Variants in MED17 observed in about 807,000 individuals in gnomAD.
The protein encoded by MED17 is mediator of RNA polymerase II transcription subunit 17.
Under a neutral mutation model 80.8 loss-of-function variants are expected in MED17, and 49 were observed. That is an observed-to-expected ratio of 0.61 (90% confidence interval 0.48 to 0.77). The LOEUF (loss-of-function observed/expected upper bound fraction) is 0.77. Among genes scored for constraint, MED17 ranks in the 30% least tolerant of loss-of-function variants. The pLI, the probability that MED17 is intolerant of heterozygous loss-of-function variation, is 0.00. For missense variants in MED17, 718 were observed against 787.0 expected, an observed-to-expected ratio of 0.91 and a Z score of 1.05; for synonymous variants, 281 against 280.4, an observed-to-expected ratio of 1.00 and a Z score of -0.02.
At chr11:93,809,978 A>C in intron 11 of MED17, 102 bp downstream of exon 11, 1 of 1,179,596 alleles carries the variant, frequency 8.5e-7, no homozygotes, top group African/African-American at 1.5e-5. Flanking sequence ...TCTCTGCAAT[A>C]AATTAGTTAA....
At chr11:93,797,464 C>T in intron 7 of MED17, 71 bp from the exon 8 acceptor site, 1 of 1,401,354 alleles carries the variant, frequency 7.1e-7, no homozygotes, top group South Asian at 1.2e-5. Context: ...TTCTGTCAAC[C>T]ATGTTTTGAC....
In MED17 at chr11:93,797,567, G is replaced by A. The variant is rs1442242787; in HGVS notation, c.1176G>A (p.Met392Ile). 4 of 1,614,118 alleles carry A rather than the reference G, an allele frequency of 2.5e-6. No homozygotes were observed. Among genetic ancestry groups the A allele is most frequent in the Non-Finnish European group, 3.4e-6 (4 of 1,179,992 alleles). ...AACAGACCTTGAGTTCCATCATGAT[G>A]CCTCATCCAGCAAGTGCACCTTTTG... The part of the protein sequence containing the change: ...FHKQTLSSIM[M>I]PHPASAPFGH... The change falls in exon 8 of 12, where the codon ATG becomes ATA. Residue 392 changes from methionine to isoleucine, a missense_variant. Physicochemically the swap from Met to Ile is conservative, Grantham distance 10. Transcript: ENST00000251871.
chr11:93,797,737 T>A lies in MED17; in HGVS notation c.1328+18T>A, dbSNP rs1943919842. 1 of 1,598,702 alleles carries A rather than the reference T, an allele frequency of 6.3e-7. No individual in the cohort carries two copies. Among genetic ancestry groups the A allele is most frequent in the Non-Finnish European group, 8.6e-7 (1 of 1,166,978 alleles). On this transcript the variant is annotated intron_variant, in intron 8 of 11. Transcript: ENST00000251871. ...AGGAGTAGGTAAGGTTGAAGAAAGT[T>A]ACTGTTTTCTGTTTTTTCTTTGAAA...
chr11:93,812,016 T>C lies in MED17; in HGVS notation c.1908T>C (p.Val636=). ...ATAAAATGGAAGGTCGAAATTTTGT[T>C]TATAAAATGGAGCTGCTTATGTCTG... The part of the protein sequence containing the change: ...QWNKMEGRNF[V]YKMELLMSAL... The change falls in exon 12 of 12, where the codon GTT becomes GTC. Residue 636 remains valine (V), a synonymous_variant. Coordinates refer to ENST00000251871, the MANE Select transcript of MED17 (RefSeq NM_004268.5). 6.2e-7 allele frequency: 1 copy of C among 1,614,094 alleles called. No individual in the cohort carries two copies. Among genetic ancestry groups the C allele is most frequent in the Non-Finnish European group, 8.5e-7 (1 of 1,179,996 alleles).
At chr11:93,789,008 T>G (rs1436053831) in intron 2 of MED17, 1 of 152,178 alleles carries the variant, frequency 6.6e-6, no homozygotes, top group Non-Finnish European at 1.5e-5. Context: ...AACAGTGTAT[T>G]CAATTTTTGA....
At chr11:93,794,199 ATT>A (rs35300764) in intron 5 of MED17, 164 bp downstream of exon 5, 10,136 of 315,568 alleles carry the variant, frequency 0.032, no homozygotes, top group South Asian at 0.046. Flanking sequence ...TAGCTGTGCA[ATT>A]TTTTTTTTTT....
chr11:93,814,105 G>C lies in MED17; in HGVS notation c.*2041G>C, dbSNP rs1000352588. 7 of 152,172 alleles carry C rather than the reference G, an allele frequency of 4.6e-5. No individual in the cohort carries two copies. The highest frequency in any genetic ancestry group is 8.8e-5 in the Non-Finnish European group (6 of 68,032). 9.4% of individuals were successfully genotyped at this position (152,172 alleles called of 1,614,324 possible). The stretch of plus-strand genomic sequence containing the variant: ...AAATCATGGACCAGGACCACACCTT[G>C]AGTAGAATGGCTGAGAATACATGTG... On this transcript the variant is annotated 3_prime_UTR_variant, in exon 12 of 12. Transcript: ENST00000251871.
intron 7 of MED17, chr11:93,797,017 C>G (rs1283285373): frequency 1.9e-5 from 4 of 208,578 alleles, no homozygotes; most frequent in African/African-American, 7.0e-5. Context: ...AAACCTGGTT[C>G]AGTTGATTGT....
chr11:93,788,142 C>G lies in MED17; in HGVS notation c.392C>G (p.Ser131Cys). The change falls in exon 2 of 12, where the codon TCT (serine) becomes TGT (cysteine). Residue 131 changes from serine to cysteine, a missense_variant. Transcript: ENST00000251871. ...AAATTTATGACTCTTGATCCTGTCT[C>G]TCAGGATGCACTTCCTCCAAAACAG... ...DKKFMTLDPV[S>C]QDALPPKQNP... The G allele has an allele frequency of 6.2e-7, 1 of 1,612,858 alleles. No homozygotes were observed. Among genetic ancestry groups the G allele is most frequent in the Non-Finnish European group, 8.5e-7 (1 of 1,179,046 alleles).
intron 3 of MED17, chr11:93,793,386 G>A: frequency 1.6e-5 from 4 of 250,582 alleles, no homozygotes; most frequent in Non-Finnish European, 3.1e-5. Flanking sequence ...CAAAGTGCTG[G>A]GATTACAGGC....
At chr11:93,785,902 G>A (rs1943764676) in intron 1 of MED17, among the ~76,000 whole-genome samples, 2 of 152,176 alleles carry the variant, frequency 1.3e-5, no homozygotes, top group Non-Finnish European at 1.5e-5. Context: ...TACTGGGGAG[G>A]CTGAGGGAGG....
Position 93,797,773 on chromosome 11 carries a change from T to C in MED17, c.1328+54T>C, listed in dbSNP as rs191319442. 4.3e-3 allele frequency: 6,408 copies of C among 1,492,876 alleles called. 20 individuals carry two copies. Among genetic ancestry groups the C allele is most frequent in the Non-Finnish European group, 5.2e-3 (5,615 of 1,075,432 alleles). The allele number at this position is 1,492,876 out of a possible 1,614,324, so 92.5% of individuals were successfully genotyped here. A position where few individuals can be genotyped will look rare whatever the true frequency, so the allele number is the denominator to read the frequency against. The stretch of plus-strand genomic sequence containing the variant: ...GTTTTTTCTTTGAAATTGCAGTGTT[T>C]TCTTCTGTTATTTCATAACACTTTT... On this transcript the variant is annotated intron_variant, in intron 8 of 11. Coordinates refer to ENST00000251871, the MANE Select transcript of MED17 (RefSeq NM_004268.5).
In MED17 at chr11:93,811,896, T is replaced by G. The variant is rs777330452; in HGVS notation, c.1788T>G (p.Phe596Leu). Residue 596 changes from phenylalanine to leucine, a missense_variant, in exon 12 of 12, where the codon TTT (phenylalanine) becomes TTG (leucine). Transcript: ENST00000251871. ...GTGGCAGCAAGATTATGGTTCAGTTTCCTCGTAACCAATGTAAAGACCTTC... is the reference window on the plus strand; with the variant it reads ...GTGGCAGCAAGATTATGGTTCAGTTGCCTCGTAACCAATGTAAAGACCTTC... The part of the protein sequence containing the change: ...PESGSKIMVQ[F>L]PRNQCKDLPK... 1 of 1,614,014 alleles carries G rather than the reference T, an allele frequency of 6.2e-7. No homozygotes were observed. Among genetic ancestry groups the G allele is most frequent in the Non-Finnish European group, 8.5e-7 (1 of 1,180,022 alleles).
At position 93,788,178 on chromosome 11, in the gene MED17, A is replaced by G; in HGVS notation, c.417+11A>G. 6.2e-7 allele frequency: 1 copy of G among 1,605,786 alleles called. No homozygotes were observed. The highest frequency in any genetic ancestry group is 1.1e-5 in the South Asian group (1 of 90,446). On this transcript the variant is annotated intron_variant, in intron 2 of 11. Coordinates refer to ENST00000251871, the MANE Select transcript of MED17 (RefSeq NM_004268.5). Reference sequence around the variant, plus strand: ...CTTCCTCCAAAACAGGTATTTGTGGACTTTAATTGAATAATAAAATTTTAT... The same window carrying G: ...CTTCCTCCAAAACAGGTATTTGTGGGCTTTAATTGAATAATAAAATTTTAT...
chr11:93,807,469 A>G (rs764239836), intron 9 of MED17, 49 bp from the exon 10 acceptor site: 1 of 960,074 alleles, frequency 1.0e-6, no homozygotes, highest in Non-Finnish European at 1.7e-6. Context: ...ATGAAATTGT[A>G]TAAGATAATT....
chr11:93,790,189 A>G (rs1943818580), intron 2 of MED17: 2 of 311,398 alleles, frequency 6.4e-6, no homozygotes, highest in Non-Finnish European at 1.3e-5. Flanking sequence ...TGAAGCAGAG[A>G]TTATAGATGT....
rs775851663 is a variant in MED17 at position 93,784,600 on chromosome 11, G to C, written c.87G>C (p.Thr29=). Residue 29 remains threonine (T), a synonymous_variant, in exon 1 of 12, where the codon ACG becomes ACC. Transcript: ENST00000251871. ...VHEVGLDGTE[T]YLPPLSMSQN... ...AGGTGGGCCTGGATGGCACCGAGAC[G>C]TACCTGCCCCCGCTGTCCATGTCGC... 2 of 1,606,252 alleles carry C rather than the reference G, an allele frequency of 1.2e-6. No homozygotes were observed. The highest frequency in any genetic ancestry group is 1.3e-5 in the African/African-American group (1 of 74,904).
At chr11:93,805,448 G>A (rs1165468551) in intron 9 of MED17, among the ~76,000 whole-genome samples, 1 of 152,096 alleles carries the variant, frequency 6.6e-6, no homozygotes, top group African/African-American at 2.4e-5. Flanking sequence ...GGGTGTGGTG[G>A]TACATGCCTG....
At chr11:93,784,906 C>A in intron 1 of MED17, 143 bp downstream of exon 1, 3 of 1,229,966 alleles carry the variant, frequency 2.4e-6, no homozygotes, top group Non-Finnish European at 3.3e-6. Flanking sequence ...GATACTTGGT[C>A]GTCATCTTTT....
Sources: gnomAD v4.1 joint callset for allele counts (sites outside exome capture counted in the v4.1 genomes callset) on GRCh38, gnomAD v4.1.1 for gene constraint, MANE v1.5 for transcripts, NCBI Gene and HGNC (gene_info 2026-07-23, HGNC 2026-07-21) for gene names.